Variants in NPAS3 observed in about 807,000 individuals in gnomAD.
NPAS3 encodes neuronal PAS domain protein 3.
Under a neutral mutation model 73.1 loss-of-function variants are expected in NPAS3, and 14 were observed. That is an observed-to-expected ratio of 0.19 (90% CI 0.13 to 0.30). NPAS3 has a LOEUF of 0.30. Among genes scored for constraint, NPAS3 ranks in the 10% least tolerant of loss-of-function variants. NPAS3 has a pLI of 1.00. For missense variants in NPAS3, 1,096 were observed against 1,250.0 expected (o/e 0.88, Z 1.86); for synonymous variants, 620 against 541.5 (o/e 1.14, Z -2.01).
chr14:32,938,468 A>AGAGAGAGAGAAATT (rs1566779150), upstream of NPAS3, among the ~76,000 whole-genome samples: 6 of 125,084 alleles, frequency 4.8e-5, no homozygotes, highest in African/African-American at 1.9e-4. Context: ...AGAGAGAGAG[A>AGAGAGAGAGAAATT]GAGAGAGAGA....
At chr14:33,101,004 G>T (rs1202521090) in intron 2 of NPAS3, among the ~76,000 whole-genome samples, 3 of 151,888 alleles carry the variant, frequency 2.0e-5, no homozygotes, top group African/African-American at 7.3e-5. Context: ...ACATTTGAAG[G>T]GTCATCAGTA....
At chr14:33,401,994 C>A (rs994441687) in intron 4 of NPAS3, among the ~76,000 whole-genome samples, 31 of 152,180 alleles carry the variant, frequency 2.0e-4, no homozygotes, top group African/African-American at 7.0e-4. Flanking sequence ...TTCCTGTGGC[C>A]TGGAAGAGAC....
At chr14:33,577,368 A>G (rs2139853995) in intron 5 of NPAS3, among the ~76,000 whole-genome samples, 1 of 152,300 alleles carries the variant, frequency 6.6e-6, no homozygotes, top group Non-Finnish European at 1.5e-5. Flanking sequence ...TGTGAGGCTT[A>G]GGGTGTATTT....
chr14:33,601,620 T>A (rs894061453), intron 5 of NPAS3, among the ~76,000 whole-genome samples: 3 of 152,212 alleles, frequency 2.0e-5, no homozygotes, highest in African/African-American at 7.2e-5. Context: ...GTTAAGTGAC[T>A]TAAGGCAGAT....
chr14:33,549,991 A>T (rs979656539), intron 4 of NPAS3, among the ~76,000 whole-genome samples: 2 of 152,176 alleles, frequency 1.3e-5, no homozygotes, highest in Admixed American at 1.3e-4. Context: ...ACAAACAACA[A>T]AAGATTCACT....
chr14:33,730,093 T>C (rs1458834586), intron 6 of NPAS3, among the ~76,000 whole-genome samples: 1 of 152,128 alleles, frequency 6.6e-6, no homozygotes, highest in Non-Finnish European at 1.5e-5. Context: ...ATTCTATCAA[T>C]ATATAGATGC....
chr14:33,330,263 C>T (rs573318952), intron 3 of NPAS3, among the ~76,000 whole-genome samples: 1 of 152,174 alleles, frequency 6.6e-6, no homozygotes, highest in Admixed American at 6.5e-5. Flanking sequence ...ACCACAATAA[C>T]AACAACAACA....
intron 4 of NPAS3, among the ~76,000 whole-genome samples, chr14:33,526,614 A>G (rs2053811774): frequency 6.6e-6 from 1 of 151,436 alleles, no homozygotes; most frequent in East Asian, 1.9e-4. Flanking sequence ...GAGAAGTGGC[A>G]ACGAGATCAG....
At position 33,114,893 on chromosome 14, in the gene NPAS3, A is replaced by G. The variant is rs543629101; in HGVS notation, c.140+58899A>G. ...TAGATTACAATGCTGTAATTAAAAG[A>G]TGCAAAAATGTATAATAAAAATGAA... is the stretch of plus-strand genomic sequence containing the variant. On this transcript the variant is annotated intron_variant, in intron 2 of 11. Transcript: ENST00000356141. 4.6e-5 allele frequency among the ~76,000 whole-genome samples: 7 copies of G among 152,304 alleles called. No individual in the cohort carries two copies. In the South Asian group the frequency reaches 1.0e-3, roughly 23 times the overall value.
At chr14:33,321,431 G>A (rs1033311680) in intron 3 of NPAS3, among the ~76,000 whole-genome samples, 5 of 151,914 alleles carry the variant, frequency 3.3e-5, no homozygotes, top group Admixed American at 1.3e-4. Context: ...TATCTCTATC[G>A]TTATTCTCCA....
intron 2 of NPAS3, among the ~76,000 whole-genome samples, chr14:33,197,444 T>C (rs1207528682): frequency 2.0e-5 from 3 of 151,940 alleles, no homozygotes; most frequent in East Asian, 1.9e-4. Flanking sequence ...ATAGACATCA[T>C]GGCAGTCCCC....
chr14:33,778,130 T>C (rs938117678), intron 8 of NPAS3, among the ~76,000 whole-genome samples: 2 of 152,234 alleles, frequency 1.3e-5, no homozygotes, highest in Non-Finnish European at 2.9e-5. Flanking sequence ...CCTTGAATTA[T>C]CTTGGCCTGT....
intron 4 of NPAS3, among the ~76,000 whole-genome samples, chr14:33,406,511 T>G (rs898479497): frequency 7.2e-5 from 11 of 152,226 alleles, no homozygotes; most frequent in African/African-American, 2.2e-4. Flanking sequence ...CTCAGGGGCA[T>G]CTAACAGAAG....
At chr14:33,784,479 A>G (rs2063080678) in intron 9 of NPAS3, among the ~76,000 whole-genome samples, 1 of 152,168 alleles carries the variant, frequency 6.6e-6, no homozygotes, top group Admixed American at 6.5e-5. Flanking sequence ...GCCCCAGGGG[A>G]GGCAGATTTT....
chr14:32,996,902 G>T (rs2038599390), intron 1 of NPAS3, among the ~76,000 whole-genome samples: 1 of 152,106 alleles, frequency 6.6e-6, no homozygotes, highest in Non-Finnish European at 1.5e-5. Flanking sequence ...CCATCCTCCA[G>T]ACGCCGGAAT....
intron 4 of NPAS3, among the ~76,000 whole-genome samples, chr14:33,397,091 A>T (rs75484682): frequency 0.014 from 2,187 of 152,198 alleles, 50 homozygotes; most frequent in African/African-American, 0.049. Flanking sequence ...CTGAATTAAG[A>T]AGGCTCTTTC....
At chr14:33,563,537 C>CAGAG (rs1286632432) in intron 5 of NPAS3, among the ~76,000 whole-genome samples, 11 of 119,692 alleles carry the variant, frequency 9.2e-5, no homozygotes, top group Middle Eastern at 4.4e-3. Flanking sequence ...CACACACACA[C>CAGAG]AGAGAGAGAG....
At chr14:33,015,722 C>T (rs1027880778) in intron 1 of NPAS3, among the ~76,000 whole-genome samples, 1 of 152,144 alleles carries the variant, frequency 6.6e-6, no homozygotes, top group Non-Finnish European at 1.5e-5. Context: ...TATTCACATA[C>T]ACACCCCTAC....
chr14:33,067,421 T>C (rs2041318646), intron 2 of NPAS3, among the ~76,000 whole-genome samples: 1 of 152,246 alleles, frequency 6.6e-6, no homozygotes, highest in African/African-American at 2.4e-5. Flanking sequence ...TCATCTGTCC[T>C]TACACTGTGG....
Sources: gnomAD v4.1 joint callset for allele counts (sites outside exome capture counted in the v4.1 genomes callset) on GRCh38, gnomAD v4.1.1 for gene constraint, MANE v1.5 for transcripts, NCBI Gene and HGNC (gene_info 2026-07-23, HGNC 2026-07-21) for gene names.